Variants in LYZL2 observed in about 807,000 individuals in gnomAD.
The protein encoded by LYZL2 is lysozyme like 2, also known as lysozyme-like protein 2.
A neutral mutation model predicts 17.1 loss-of-function variants in LYZL2; 13 were observed. That is an observed-to-expected ratio of 0.76 (90% confidence interval 0.49 to 1.21). The LOEUF is 1.21. Ranked by LOEUF, LYZL2 falls within the 50% of genes most tolerant of loss-of-function variation. LYZL2 has a pLI of 0.00. For synonymous variants in LYZL2, 63 were observed against 74.4 expected (o/e 0.85, Z 0.79); for missense variants, 166 against 189.2 (o/e 0.88, Z 0.72).
intron 3 of LYZL2, among the ~76,000 whole-genome samples, chr10:30,617,476 GA>G (rs1838546363): frequency 6.6e-6 from 1 of 151,934 alleles, no homozygotes; most frequent in Non-Finnish European, 1.5e-5. Flanking sequence ...AGGAGTTTGA[GA>G]CCAGCCTGGC....
chr10:30,611,530 A>AGAAG (rs762109748), downstream of LYZL2, among the ~76,000 whole-genome samples: 1,274 of 80,384 alleles, frequency 0.016, 32 homozygotes, highest in Middle Eastern at 0.023. Context: ...GGAAAAAGAA[A>AGAAG]GAAGGAAGGA....
At chr10:30,608,681 A>G (rs1838400702), downstream of LYZL2, among the ~76,000 whole-genome samples, 1 of 152,226 alleles carries the variant, frequency 6.6e-6, no homozygotes, top group South Asian at 2.1e-4. Flanking sequence ...AATGAAGGTT[A>G]CATTCCCCTA....
rs752589166 is a variant in LYZL2 at position 30,626,233 on chromosome 10, T to C, written c.170A>G (p.Tyr57Cys). 2.5e-6 allele frequency: 4 copies of C among 1,614,226 alleles called. No individual in the cohort carries two copies. Among genetic ancestry groups the C allele is most frequent in the Non-Finnish European group, 2.5e-6 (3 of 1,180,026 alleles). Residue 57 changes from tyrosine to cysteine, a missense_variant, in exon 3 of 5, where the codon TAC becomes TGC. Tyr to Cys is a radical substitution (Grantham distance 194). Coordinates refer to ENST00000647634, the MANE Select transcript of LYZL2 (RefSeq NM_183058.3). Reference sequence around the variant, plus strand: ...CAGGACCGTCTGGGCTGTGGTGTTGTAGCCGCTCTCATAATACGCCATGCA... The same window carrying C: ...CAGGACCGTCTGGGCTGTGGTGTTGCAGCCGCTCTCATAATACGCCATGCA... The part of the protein sequence containing the change: ...WICMAYYESG[Y>C]NTTAQTVLDD...
chr10:30,614,503 C>T (rs1035315774), intron 3 of LYZL2, among the ~76,000 whole-genome samples: 1 of 152,244 alleles, frequency 6.6e-6, no homozygotes, highest in Non-Finnish European at 1.5e-5. Context: ...GTCTGCTCAT[C>T]ACACAACTGC....
intron 3 of LYZL2, among the ~76,000 whole-genome samples, chr10:30,621,627 G>C (rs1838620975): frequency 1.3e-5 from 2 of 152,052 alleles, no homozygotes; most frequent in African/African-American, 4.8e-5. Flanking sequence ...GAAAAGAACT[G>C]TCAGCCCAGA....
chr10:30,613,049 G>T lies in LYZL2; in HGVS notation c.299-149C>A, dbSNP rs1314897052. 8 of 624,558 alleles carry T rather than the reference G, an allele frequency of 1.3e-5. No homozygotes were observed. The East Asian group carries it at 1.9e-4, about 15-fold the overall frequency. 38.7% of individuals were successfully genotyped at this position (624,558 alleles called of 1,614,324 possible). A position where few individuals can be genotyped will look rare whatever the true frequency, so the allele number is the denominator to read the frequency against. ...CCTGCAAAGCCACAATCTCATTTCTGTTGAGCTTCTTCATAATGAAAAGAA... is the reference window on the plus strand; with the variant it reads ...CCTGCAAAGCCACAATCTCATTTCTTTTGAGCTTCTTCATAATGAAAAGAA... On this transcript the variant is annotated intron_variant, in intron 3 of 4. Transcript: ENST00000647634.
At chr10:30,623,989 G>T (rs1180617199) in intron 3 of LYZL2, among the ~76,000 whole-genome samples, 2 of 152,124 alleles carry the variant, frequency 1.3e-5, no homozygotes, top group African/African-American at 2.4e-5. Context: ...TCACTCTCAG[G>T]CTGGGCATTC....
At chr10:30,615,263 C>T (rs2132937648) in intron 3 of LYZL2, among the ~76,000 whole-genome samples, 1 of 152,292 alleles carries the variant, frequency 6.6e-6, no homozygotes, top group African/African-American at 2.4e-5. Context: ...GGACGTCATG[C>T]TAAGTGAAGG....
downstream of LYZL2, among the ~76,000 whole-genome samples, chr10:30,608,396 C>T (rs1212617604): frequency 3.3e-5 from 5 of 152,224 alleles, no homozygotes; most frequent in Non-Finnish European, 4.4e-5. Flanking sequence ...AAAGCCTCTA[C>T]TTTTAAAATT....
At chr10:30,612,170 AT>A in intron 4 of LYZL2, 146 bp from the exon 5 acceptor site, 1 of 991,258 alleles carries the variant, frequency 1.0e-6, no homozygotes, top group Non-Finnish European at 1.5e-6. Flanking sequence ...GGACGCTGTC[AT>A]TTTGCCTAGT....
intron 3 of LYZL2, among the ~76,000 whole-genome samples, chr10:30,623,666 C>T (rs899391746): frequency 1.3e-5 from 2 of 152,228 alleles, no homozygotes; most frequent in Admixed American, 6.5e-5. Context: ...TGTCTCCCAT[C>T]ACCCCCAGAT....
chr10:30,612,133 T>C, intron 4 of LYZL2, 109 bp from the exon 5 acceptor site: 1 of 1,341,920 alleles, frequency 7.5e-7, no homozygotes, highest in South Asian at 1.3e-5. Context: ...AACCCTGGGT[T>C]GGGTTTCATT....
intron 3 of LYZL2, among the ~76,000 whole-genome samples, chr10:30,617,285 G>A (rs993468841): frequency 2.2e-4 from 34 of 152,168 alleles, no homozygotes; most frequent in Non-Finnish European, 4.4e-4. Context: ...AGCAGACACC[G>A]CGTAAAGTTG....
chr10:30,608,583 G>A (rs1241240748), downstream of LYZL2, among the ~76,000 whole-genome samples: 1 of 152,190 alleles, frequency 6.6e-6, no homozygotes, highest in African/African-American at 2.4e-5. Context: ...GATCCCCGCA[G>A]GGCAGCAGGG....
intron 4 of LYZL2, among the ~76,000 whole-genome samples, chr10:30,612,524 C>T (rs900539608): frequency 1.3e-5 from 2 of 152,226 alleles, no homozygotes; most frequent in African/African-American, 4.8e-5. Context: ...GGTGAATTGA[C>T]TCAATTGACC....
At position 30,626,824 on chromosome 10, in the gene LYZL2, A is replaced by G. The variant is rs1299552802; in HGVS notation, c.92T>C (p.Phe31Ser). Residue 31 changes from phenylalanine (F) to serine (S), a missense_variant, in exon 2 of 5, where the codon TTC becomes TCC. Physicochemically the swap from Phe to Ser is radical, Grantham distance 155 (BLOSUM62 -2). This residue lies in a region of LYZL2 where 32 missense variants were observed against 59.8 expected (regional missense o/e 0.53). Transcript: ENST00000647634. The part of the protein sequence containing the change: ...IYTRCKLAKI[F>S]SRAGLDNYWG... Reference sequence around the variant, plus strand: ...GTAATTGTCCAGGCCAGCCCTCGAGAATATTTTTGCCAGTTTGCAACGAGT... The same window carrying G: ...GTAATTGTCCAGGCCAGCCCTCGAGGATATTTTTGCCAGTTTGCAACGAGT... The G allele has an allele frequency of 1.2e-6, 2 of 1,614,244 alleles. No individual in the cohort carries two copies. Among genetic ancestry groups the G allele is most frequent in the Admixed American group, 1.7e-5 (1 of 60,036 alleles).
intron 3 of LYZL2, among the ~76,000 whole-genome samples, chr10:30,615,093 T>C (rs112096042): frequency 0.11 from 17,261 of 152,330 alleles, 1,048 homozygotes; most frequent in South Asian, 0.18. Context: ...TATTGGCTAA[T>C]GCCAATATGG....
intron 1 of LYZL2, among the ~76,000 whole-genome samples, chr10:30,628,237 G>T (rs1838751600): frequency 6.6e-6 from 1 of 152,038 alleles, no homozygotes; most frequent in Non-Finnish European, 1.5e-5. Context: ...TTCTTTTCTT[G>T]ATGCATTTCA....
At chr10:30,614,816 C>G (rs1838502614) in intron 3 of LYZL2, among the ~76,000 whole-genome samples, 1 of 152,162 alleles carries the variant, frequency 6.6e-6, no homozygotes, top group African/African-American at 2.4e-5. Context: ...AATAATTTCT[C>G]TCTCCAGATC....
Sources: gnomAD v4.1 joint callset for allele counts (sites outside exome capture counted in the v4.1 genomes callset) on GRCh38, gnomAD v4.1.1 for gene constraint, gnomAD v4.1.1 regional missense constraint, MANE v1.5 for transcripts, NCBI Gene and HGNC (gene_info 2026-07-23, HGNC 2026-07-21) for gene names.